KIF13A: variants seen among roughly 807,000 people sequenced by gnomAD.
KIF13A encodes kinesin family member 13A.
A neutral mutation model predicts 212.2 loss-of-function variants in KIF13A; 79 were observed. The ratio of observed to expected loss-of-function variants is 0.37; its 90% confidence interval spans 0.31 to 0.45. KIF13A has a LOEUF of 0.45. KIF13A is among the 20% of genes least tolerant of loss of function. KIF13A has a pLI of 1.00. For synonymous variants in KIF13A, 789 were observed against 808.6 expected (o/e 0.98, Z 0.41); for missense variants, 1,901 against 2,209.0 (o/e 0.86, Z 2.79).
intron 2 of KIF13A, among the ~76,000 whole-genome samples, chr6:17,940,700 AAAG>A (rs1441180110): frequency 1.3e-5 from 2 of 152,200 alleles, no homozygotes; most frequent in Admixed American, 6.6e-5. Flanking sequence ...GCTTGATATA[AAAG>A]AAGATTATTT....
At position 17,763,909 on chromosome 6, in the gene KIF13A, T is replaced by TA. The variant is rs1344908369; in HGVS notation, c.*200dup. The TA allele has an allele frequency of 2.1e-5, 30 of 1,420,568 alleles. No homozygotes were observed. The South Asian group carries it at 3.9e-4, about 18-fold the overall frequency. The allele number at this position is 1,420,568 out of a possible 1,614,324, so 88.0% of individuals were successfully genotyped here. A position where few individuals can be genotyped will look rare whatever the true frequency, so the allele number is the denominator to read the frequency against. On this transcript the variant is annotated 3_prime_UTR_variant, in exon 39 of 39. Coordinates refer to ENST00000259711, the MANE Select transcript of KIF13A (RefSeq NM_022113.6). The stretch of plus-strand genomic sequence containing the variant: ...ATTCAACACCAACCCATGTGCCAGG[T>TA]AAAAAAATCCACTGGTCTTATAATT...
At chr6:17,890,222 T>C (rs1317694013) in intron 3 of KIF13A, among the ~76,000 whole-genome samples, 1 of 151,356 alleles carries the variant, frequency 6.6e-6, no homozygotes, top group African/African-American at 2.4e-5. Context: ...TCTAGCTATG[T>C]ACTGCTAACT....
chr6:17,950,263 C>T (rs1777739374), intron 2 of KIF13A: 2 of 302,888 alleles, frequency 6.6e-6, no homozygotes, highest in African/African-American at 2.3e-5. Flanking sequence ...ATCTCTGCTT[C>T]CTCATATATA....
In KIF13A at chr6:17,780,872, T is replaced by A; in HGVS notation, c.3704A>T (p.His1235Leu). Residue 1235 changes from histidine (H) to leucine (L), a missense_variant, in exon 31 of 39, where the codon CAT (histidine) becomes CTT (leucine). By Grantham distance (99) the His-to-Leu change is moderately conservative. This residue lies in a region of KIF13A where 687 missense variants were observed against 759.1 expected (regional missense o/e 0.90). Coordinates refer to ENST00000259711, the MANE Select transcript of KIF13A (RefSeq NM_022113.6). Reference protein sequence around the residue: ...SATASWDSSVHDSVHLNRVTP... With the variant: ...SATASWDSSVLDSVHLNRVTP... ...GACCCTATTCAAGTGAACAGAATCA[T>A]GCACCGAGGAATCCCAAGAGGCTGT... is the stretch of plus-strand genomic sequence containing the variant. 6.2e-7 allele frequency: 1 copy of A among 1,613,922 alleles called. No homozygotes were observed. The highest frequency in any genetic ancestry group is 8.5e-7 in the Non-Finnish European group (1 of 1,179,836).
At chr6:17,865,890 T>C (rs1769315613) in intron 4 of KIF13A, among the ~76,000 whole-genome samples, 1 of 152,196 alleles carries the variant, frequency 6.6e-6, no homozygotes, top group South Asian at 2.1e-4. Context: ...GGCTGACTCA[T>C]CCAGATGGAT....
chr6:17,855,362 C>A lies in KIF13A; in HGVS notation c.494+75G>T, dbSNP rs1768046801. On this transcript the variant is annotated intron_variant, in intron 6 of 38. Transcript: ENST00000259711. This position sits in a 1 kb window ranked among gnomAD's most constrained non-coding sequence, Gnocchi z 4.1. ...CCAAGAGCTTAAATACGTATATTCA[C>A]TTCCAATTTTAACTTTAGAATCATT... The A allele has an allele frequency of 6.1e-6, 7 of 1,156,908 alleles. No individual in the cohort carries two copies. The South Asian group carries it at 9.1e-5, about 15-fold the overall frequency. 71.7% of individuals were successfully genotyped at this position (1,156,908 alleles called of 1,614,324 possible). A position where few individuals can be genotyped will look rare whatever the true frequency, so the allele number is the denominator to read the frequency against.
intron 2 of KIF13A, among the ~76,000 whole-genome samples, chr6:17,941,198 A>G (rs1776932167): frequency 6.6e-6 from 1 of 152,198 alleles, no homozygotes. Flanking sequence ...CTGCTACCCA[A>G]ATATATTACC....
At chr6:17,973,160 G>A (rs979793375) in intron 2 of KIF13A, among the ~76,000 whole-genome samples, 1 of 152,166 alleles carries the variant, frequency 6.6e-6, no homozygotes, top group Non-Finnish European at 1.5e-5. Flanking sequence ...AACAATAAAT[G>A]TCATTTCTCC....
chr6:17,864,464 C>T (rs952298763), intron 4 of KIF13A, among the ~76,000 whole-genome samples: 4 of 152,134 alleles, frequency 2.6e-5, no homozygotes, highest in African/African-American at 9.7e-5. Context: ...CTGAGTCACC[C>T]AACCCTGAGT....
At chr6:17,903,311 T>C (rs1159516311) in intron 2 of KIF13A, among the ~76,000 whole-genome samples, 1 of 152,214 alleles carries the variant, frequency 6.6e-6, no homozygotes, top group African/African-American at 2.4e-5. Flanking sequence ...CCCAAACTTA[T>C]TTGATAACAG....
At chr6:17,885,949 C>G (rs79921333) in intron 3 of KIF13A, among the ~76,000 whole-genome samples, 5 of 152,176 alleles carry the variant, frequency 3.3e-5, no homozygotes, top group Non-Finnish European at 7.3e-5. Flanking sequence ...ATCCTGATCA[C>G]TTCTCAAAAA....
Position 17,814,246 on chromosome 6 carries a change from C to T in KIF13A, c.2000+2774G>A, listed in dbSNP as rs541615803. Among the ~76,000 whole-genome samples the T allele has an allele frequency of 6.4e-3, 705 of 109,580 alleles. 1 individual carries two copies. The highest frequency in any genetic ancestry group is 0.014 in the Middle Eastern group (2 of 138). 71.9% of individuals were successfully genotyped at this position (109,580 alleles called of 152,430 possible). On this transcript the variant is annotated intron_variant, in intron 17 of 38. Coordinates refer to ENST00000259711, the MANE Select transcript of KIF13A (RefSeq NM_022113.6). The stretch of plus-strand genomic sequence containing the variant: ...GATTACAGGCATGAGCTACAGTGCC[C>T]GGCTTTTTTTTTTTTTTTTTTTGAG...
intron 4 of KIF13A, among the ~76,000 whole-genome samples, chr6:17,868,926 C>T (rs531106909): frequency 1.5e-3 from 180 of 118,946 alleles, no homozygotes; most frequent in Middle Eastern, 6.7e-3. Context: ...CCCAAGGAGG[C>T]GGAGGTTGCA....
chr6:17,868,692 T>G (rs1255318069), intron 4 of KIF13A, among the ~76,000 whole-genome samples: 2 of 152,036 alleles, frequency 1.3e-5, no homozygotes, highest in Non-Finnish European at 1.5e-5. Flanking sequence ...GAGGAAGAGA[T>G]AATATATTTC....
Position 17,851,975 on chromosome 6 carries a change from G to A in KIF13A, c.562C>T (p.Leu188=), listed in dbSNP as rs773886342. 14 of 1,542,130 alleles carry A rather than the reference G, an allele frequency of 9.1e-6. No individual in the cohort carries two copies. The highest frequency in any genetic ancestry group is 1.2e-5 in the Non-Finnish European group (14 of 1,147,046). Residue 188 remains leucine, a synonymous_variant, in exon 7 of 39, where the codon CTA becomes TTA. Transcript: ENST00000259711. ...LGPYVDGLSQ[L]AVTSFEDIES... ...CTTACCTCAAAACTAGTGACAGCTAGTTGAGATAAACCATCTACATATGGT... is the reference window on the plus strand; with the variant it reads ...CTTACCTCAAAACTAGTGACAGCTAATTGAGATAAACCATCTACATATGGT...
intron 4 of KIF13A, among the ~76,000 whole-genome samples, chr6:17,866,541 T>G (rs1769386213): frequency 6.6e-6 from 1 of 152,146 alleles, no homozygotes; most frequent in Admixed American, 6.5e-5. Context: ...CTCAGTTTTC[T>G]TATCTGTAAA....
chr6:17,927,153 G>T (rs938065707), intron 2 of KIF13A, among the ~76,000 whole-genome samples: 2 of 147,698 alleles, frequency 1.4e-5, no homozygotes, highest in African/African-American at 2.5e-5. Flanking sequence ...AAAAAAAAAA[G>T]TGAATGCAGG....
At chr6:17,903,428 C>T (rs1202029740) in intron 2 of KIF13A, among the ~76,000 whole-genome samples, 1 of 152,124 alleles carries the variant, frequency 6.6e-6, no homozygotes, top group African/African-American at 2.4e-5. Context: ...TGCAACAAAT[C>T]TAGCAGCTCA....
rs1426674746 is a variant in KIF13A, at chr6:17,987,010, G to C, written c.146+44C>G. ...TCCTGGCTCAAACTTGCGGGACCCCGCGAGGCTGGATCCTCCCAGCCGCCC... is the reference window on the plus strand; with the variant it reads ...TCCTGGCTCAAACTTGCGGGACCCCCCGAGGCTGGATCCTCCCAGCCGCCC... On this transcript the variant is annotated intron_variant, in intron 2 of 38. Coordinates refer to ENST00000259711, the MANE Select transcript of KIF13A (RefSeq NM_022113.6). This position sits in a 1 kb window ranked among gnomAD's most constrained non-coding sequence, Gnocchi z 7.7. The C allele has an allele frequency of 1.4e-6, 2 of 1,466,036 alleles. No homozygotes were observed. Among genetic ancestry groups the C allele is most frequent in the East Asian group, 2.3e-5 (1 of 43,886 alleles). 90.8% of individuals were successfully genotyped at this position (1,466,036 alleles called of 1,614,324 possible).
Sources: gnomAD v4.1 joint callset for allele counts (sites outside exome capture counted in the v4.1 genomes callset) on GRCh38, gnomAD v4.1.1 for gene constraint, gnomAD v4.1.1 regional missense constraint, Gnocchi (gnomAD v3.1) non-coding constraint, MANE v1.5 for transcripts, NCBI Gene and HGNC (gene_info 2026-07-23, HGNC 2026-07-21) for gene names.